The following TGDS variants were observed in gnomAD, a reference collection of about 807,000 sequenced individuals.
The protein encoded by TGDS is UDP-D-glucose 4,6-dehydratase.
Under a neutral mutation model 52.3 loss-of-function variants are expected in TGDS, and 47 were observed. The observed-to-expected ratio is 0.90, with a 90% CI of 0.71 to 1.15. The LOEUF (loss-of-function observed/expected upper bound fraction) is 1.15, where lower values mean the gene tolerates loss of function less well. Ranked by LOEUF, TGDS falls within the 50% of genes most tolerant of loss-of-function variation. The probability of loss-of-function intolerance (pLI) is 0.00; values close to 1 mark genes in which losing one functional copy is unlikely to be tolerated. For missense variants in TGDS, 375 were observed against 418.4 expected, an observed-to-expected ratio of 0.90 and a Z score of 0.90; for synonymous variants, 115 against 136.9, an observed-to-expected ratio of 0.84 and a Z score of 1.12.
chr13:94,582,977 T>C lies in TGDS; in HGVS notation c.456+117A>G, dbSNP rs903145162. 4.4e-5 allele frequency: 49 copies of C among 1,110,656 alleles called. No individual in the cohort carries two copies. The East Asian group carries it at 1.1e-3, about 24-fold the overall frequency. The allele number at this position is 1,110,656 out of a possible 1,614,324, so 68.8% of individuals were successfully genotyped here. On this transcript the variant is annotated intron_variant, in intron 5 of 11. Transcript: ENST00000261296. ...GTCCCTCTAGAGAACCCTAATACAC[T>C]CTGAAGAGTGCCACAAGTGTATATA...
intron 11 of TGDS, among the ~76,000 whole-genome samples, chr13:94,575,316 G>A (rs1416629465): frequency 2.7e-5 from 4 of 147,508 alleles, no homozygotes; most frequent in African/African-American, 1.0e-4. Flanking sequence ...TAAAGAGATG[G>A]GGTCTCGCTG....
intron 1 of TGDS, among the ~76,000 whole-genome samples, chr13:94,595,778 C>T (rs992090746): frequency 1.3e-5 from 2 of 151,984 alleles, no homozygotes; most frequent in African/African-American, 2.4e-5. Flanking sequence ...CTTGCACGCA[C>T]TCAAGGAGTG....
At chr13:94,585,447 T>C (rs1307409730) in intron 4 of TGDS, among the ~76,000 whole-genome samples, 1 of 152,028 alleles carries the variant, frequency 6.6e-6, no homozygotes, top group Non-Finnish European at 1.5e-5. Context: ...ACTGACTATA[T>C]AAAATAGTAA....
intron 10 of TGDS, among the ~76,000 whole-genome samples, chr13:94,576,920 G>T (rs767823934): frequency 6.6e-6 from 1 of 152,072 alleles, no homozygotes; most frequent in Non-Finnish European, 1.5e-5. Flanking sequence ...GGCCAACATG[G>T]TGCAAACCCG....
intron 4 of TGDS, among the ~76,000 whole-genome samples, chr13:94,585,791 C>G (rs1888955504): frequency 9.6e-6 from 1 of 104,666 alleles, no homozygotes; most frequent in South Asian, 3.3e-4. Flanking sequence ...CAGAACAAGA[C>G]TCTGTCTCAA....
chr13:94,593,696 G>A (rs1193062339), intron 2 of TGDS, 145 bp downstream of exon 2: 2 of 497,938 alleles, frequency 4.0e-6, no homozygotes, highest in Non-Finnish European at 7.2e-6. Flanking sequence ...AATACAGCAT[G>A]AGCACATTAC....
At chr13:94,588,000 A>C (rs1889056302) in intron 4 of TGDS, among the ~76,000 whole-genome samples, 1 of 16,820 alleles carries the variant, frequency 5.9e-5, no homozygotes, top group African/African-American at 3.9e-4. Context: ...CTCCATCTCA[A>C]AAAAAAAAAA....
At chr13:94,586,777 G>C (rs1347427632) in intron 4 of TGDS, among the ~76,000 whole-genome samples, 12 of 48,982 alleles carry the variant, frequency 2.4e-4, no homozygotes, top group African/African-American at 7.7e-4. Context: ...TTTTTTTTTT[G>C]AGACAAGGTC....
rs1315778035 is a variant in TGDS at position 94,581,150 on chromosome 13, A to G, written c.496T>C (p.Tyr166His). Residue 166 changes from tyrosine to histidine, a missense_variant, in exon 6 of 12, where the codon TAT becomes CAT. By Grantham distance (83) the Tyr-to-His change is moderately conservative. Coordinates refer to ENST00000261296, the MANE Select transcript of TGDS (RefSeq NM_014305.4). The part of the protein sequence containing the change: ...ESSPKQPTNP[Y>H]ASSKAAAECF... ...TCAGCAGCTGCTTTAGATGATGCAT[A>G]AGGATTTGTAGGTTGTTTGGGTGAA... 5 of 1,595,908 alleles carry G rather than the reference A, an allele frequency of 3.1e-6. No individual in the cohort carries two copies. The highest frequency in any genetic ancestry group is 1.2e-5 in the South Asian group (1 of 85,498).
Position 94,596,032 on chromosome 13 carries a change from TA to T in TGDS, c.86+18del. On this transcript the variant is annotated intron_variant, in intron 1 of 11. Transcript: ENST00000261296. ...GGTTTCTGGGGAGCCACTGCTTGGCTAGCGGCGCCATTACCTACATGAAACC... is the reference window on the plus strand; with the variant it reads ...GGTTTCTGGGGAGCCACTGCTTGGCTGCGGCGCCATTACCTACATGAAACC... The T allele has an allele frequency of 6.2e-7, 1 of 1,613,808 alleles. No homozygotes were observed. The highest frequency in any genetic ancestry group is 8.5e-7 in the Non-Finnish European group (1 of 1,179,846).
rs775582008 is a variant in TGDS at position 94,581,145 on chromosome 13, T to A, written c.501A>T (p.Ala167=). The change falls in exon 6 of 12, where the codon GCA becomes GCT. Residue 167 remains alanine (A), a synonymous_variant. Transcript: ENST00000261296. ...AACATTCAGCAGCTGCTTTAGATGA[T>A]GCATAAGGATTTGTAGGTTGTTTGG... is the stretch of plus-strand genomic sequence containing the variant. ...SSPKQPTNPY[A]SSKAAAECFV... 4 of 1,596,466 alleles carry A rather than the reference T, an allele frequency of 2.5e-6. No individual in the cohort carries two copies. In the Admixed American group the frequency reaches 6.7e-5, roughly 27 times the overall value.
intron 11 of TGDS, among the ~76,000 whole-genome samples, chr13:94,576,023 A>C (rs1392004201): frequency 6.6e-6 from 1 of 152,188 alleles, no homozygotes; most frequent in Non-Finnish European, 1.5e-5. Context: ...ATAAAAATAC[A>C]TACCTTTTAG....
At chr13:94,589,782 T>C (rs928728688) in intron 4 of TGDS, among the ~76,000 whole-genome samples, 20 of 152,272 alleles carry the variant, frequency 1.3e-4, no homozygotes, top group African/African-American at 4.3e-4. Flanking sequence ...CTGACAAAAC[T>C]AAGATTTGGT....
At chr13:94,577,925 G>T in intron 9 of TGDS, 80 bp downstream of exon 9, 1 of 1,371,246 alleles carries the variant, frequency 7.3e-7, no homozygotes, top group Non-Finnish European at 1.0e-6. Context: ...AATTAAGTAA[G>T]CTGTATGCTT....
rs778224794 is a variant in TGDS, at chr13:94,581,106, G to C, written c.540C>G (p.Tyr180Ter). 2.1e-5 allele frequency: 33 copies of C among 1,581,242 alleles called. No homozygotes were observed. The highest frequency in any genetic ancestry group is 2.1e-5 in the Non-Finnish European group (24 of 1,161,684). Residue 180 changes from tyrosine (Y) to a stop codon, truncating the protein, a stop_gained, in exon 6 of 12, where the codon TAC becomes TAG. Coordinates refer to ENST00000261296, the MANE Select transcript of TGDS (RefSeq NM_014305.4). LOFTEE classifies it high-confidence loss of function. ...CAGTTCTTACCTTATATTGTTCCCA[G>C]TAAGACTGTACAAAACATTCAGCAG... ...KAAAECFVQS[Y>*]WEQYKFPVVI...
intron 3 of TGDS, among the ~76,000 whole-genome samples, chr13:94,591,549 C>G (rs998010890): frequency 1.3e-5 from 2 of 152,158 alleles, no homozygotes; most frequent in African/African-American, 4.8e-5. Context: ...GCTGAGATCA[C>G]GCCACTGCAC....
Position 94,574,732 on chromosome 13 carries a change from G to A in TGDS, c.*50C>T. ...CACTTAATTTCATACCACTTGGCGA[G>A]GTAGGATAACTTTCTTCTTTGACAA... is the stretch of plus-strand genomic sequence containing the variant. On this transcript the variant is annotated 3_prime_UTR_variant, in exon 12 of 12. Coordinates refer to ENST00000261296, the MANE Select transcript of TGDS (RefSeq NM_014305.4). 1 of 1,154,162 alleles carries A rather than the reference G, an allele frequency of 8.7e-7. No individual in the cohort carries two copies. The highest frequency in any genetic ancestry group is 1.3e-6 in the Non-Finnish European group (1 of 778,158). 71.5% of individuals were successfully genotyped at this position (1,154,162 alleles called of 1,614,324 possible).
intron 6 of TGDS, 46 bp downstream of exon 6, chr13:94,581,045 A>C: frequency 8.6e-7 from 1 of 1,156,614 alleles, no homozygotes; most frequent in East Asian, 2.6e-5. Flanking sequence ...TTTAACACTT[A>C]AGTCCAAAGG....
intron 2 of TGDS, among the ~76,000 whole-genome samples, chr13:94,593,053 C>T (rs958732960): frequency 6.6e-6 from 1 of 151,998 alleles, no homozygotes; most frequent in Non-Finnish European, 1.5e-5. Flanking sequence ...ACTCAGGAGG[C>T]TGGGGCAGGA....
Sources: allele counts gnomAD v4.1 joint callset (sites outside exome capture counted in the v4.1 genomes callset), GRCh38; gene constraint gnomAD v4.1.1; transcripts MANE v1.5; gene names NCBI Gene and HGNC (gene_info 2026-07-23, HGNC 2026-07-21).